The following HMCN2 variants were observed in gnomAD, a reference collection of about 807,000 sequenced individuals.
The protein encoded by HMCN2 is hemicentin 2, also known as hemicentin-2.
A neutral mutation model predicts 377.5 loss-of-function variants in HMCN2; 325 were observed. The observed-to-expected ratio is 0.86, with a 90% CI of 0.79 to 0.94. The LOEUF is 0.94. Ranked by LOEUF, HMCN2 falls within the 40% of genes least tolerant of loss-of-function variation. The probability of loss-of-function intolerance (pLI) is 0.00; values close to 1 mark genes in which losing one functional copy is unlikely to be tolerated. For synonymous variants in HMCN2, 2,007 were observed against 2,046.8 expected (o/e 0.98, Z 0.53); for missense variants, 4,543 against 4,725.3 (o/e 0.96, Z 1.13).
rs564283329 is a variant in HMCN2, at chr9:130,365,691, G to A, written c.6469G>A (p.Gly2157Ser). Residue 2157 changes from glycine to serine, a missense_variant, in exon 42 of 98, where the codon GGC becomes AGC. Physicochemically the swap from Gly to Ser is moderately conservative, Grantham distance 56. This residue lies in a region of HMCN2 where 1,032 missense variants were observed against 1,285.1 expected (regional missense o/e 0.80). Transcript: ENST00000683500. Reference protein sequence around the residue: ...HYTCEALNQAGHSEKHYNLNV... With the variant: ...HYTCEALNQASHSEKHYNLNV... ...CACCTGTGAGGCACTGAACCAGGCC[G>A]GCCACTCAGAGAAACACTACAATCT... 3.7e-5 allele frequency: 36 copies of A among 985,912 alleles called. No homozygotes were observed. The highest frequency in any genetic ancestry group is 5.2e-4 in the Middle Eastern group (1 of 1,916). The allele number at this position is 985,912 out of a possible 1,614,324, so 61.1% of individuals were successfully genotyped here.
intron 22 of HMCN2, among the ~76,000 whole-genome samples, chr9:130,329,036 G>A (rs1240494202): frequency 6.6e-6 from 1 of 152,100 alleles, no homozygotes; most frequent in East Asian, 1.9e-4. Flanking sequence ...CTTATTTAAA[G>A]GACACAGTTC....
intron 85 of HMCN2, 89 bp from the exon 86 acceptor site, chr9:130,418,683 G>C (rs1843821650): frequency 1.7e-6 from 2 of 1,149,440 alleles, no homozygotes; most frequent in South Asian, 6.3e-5. Flanking sequence ...CTGCTTCTCT[G>C]GATTTCCCAG....
In HMCN2 at chr9:130,422,102, C is replaced by T. The variant is rs767585332; in HGVS notation, c.13232-475C>T. ...CCACCCGGCCAGGCCAGCTGCAGGG[C>T]AGCCAGGGCCAGCAGCACTGATGGA... On this transcript the variant is annotated intron_variant, in intron 86 of 97. Transcript: ENST00000683500. The surrounding 1 kb of genome is among the most constrained non-coding windows in gnomAD (Gnocchi z 4.2). Among the ~76,000 whole-genome samples, 2 of 152,266 alleles carry T rather than the reference C, an allele frequency of 1.3e-5. No individual in the cohort carries two copies. Among genetic ancestry groups the T allele is most frequent in the Non-Finnish European group, 1.5e-5 (1 of 68,046 alleles).
In HMCN2 at chr9:130,403,848, A is replaced by G. The variant is rs1459597243; in HGVS notation, c.12121A>G (p.Met4041Val). The G allele has an allele frequency of 1.6e-6, 2 of 1,289,494 alleles. No individual in the cohort carries two copies. Among genetic ancestry groups the G allele is most frequent in the Non-Finnish European group, 2.0e-6 (2 of 988,710 alleles). The allele number at this position is 1,289,494 out of a possible 1,614,324, so 79.9% of individuals were successfully genotyped here. A position where few individuals can be genotyped will look rare whatever the true frequency, so the allele number is the denominator to read the frequency against. ...CGCTAAGAACAGTGCGGGCAGTGCC[A>G]TGGGGAAGACGCGGCTGGTGGTGCA... ...CIAKNSAGSA[M>V]GKTRLVVQVP... Residue 4041 changes from methionine (M) to valine (V), a missense_variant, in exon 80 of 98, where the codon ATG becomes GTG. This residue lies in a region of HMCN2 where 1,073 missense variants were observed against 1,319.5 expected (regional missense o/e 0.81). Coordinates refer to ENST00000683500, the MANE Select transcript of HMCN2 (RefSeq NM_001291815.2).
At chr9:130,337,555 G>A (rs1019490837) in intron 22 of HMCN2, among the ~76,000 whole-genome samples, 19 of 152,254 alleles carry the variant, frequency 1.2e-4, no homozygotes, top group African/African-American at 3.9e-4. Context: ...GACACAGGCC[G>A]TCTTAGCATG....
Position 130,407,572 on chromosome 9 carries a change from A to G in HMCN2, c.12555A>G (p.Glu4185=), listed in dbSNP as rs1564865517. 3 of 1,289,474 alleles carry G rather than the reference A, an allele frequency of 2.3e-6. No individual in the cohort carries two copies. Among genetic ancestry groups the G allele is most frequent in the South Asian group, 2.5e-5 (2 of 81,010 alleles). 79.9% of individuals were successfully genotyped at this position (1,289,474 alleles called of 1,614,324 possible). A position where few individuals can be genotyped will look rare whatever the true frequency, so the allele number is the denominator to read the frequency against. The change falls in exon 83 of 98, where the codon GAA becomes GAG. Residue 4185 remains glutamate (E), a splice_region_variant and synonymous_variant. Transcript: ENST00000683500. ...GWTVNDRPVT[E]GVSEQDGGST... is the part of the protein sequence containing the mutation. The stretch of plus-strand genomic sequence containing the variant: ...CCGACTTCTCTTTCTCCACCACAGA[A>G]GGGGTGTCTGAGCAGGATGGAGGCA...
At chr9:130,278,782 T>C (rs1834940705) in intron 1 of HMCN2, among the ~76,000 whole-genome samples, 1 of 151,224 alleles carries the variant, frequency 6.6e-6, no homozygotes, top group South Asian at 2.1e-4. Flanking sequence ...GGTTTCTCCA[T>C]GTTGGTCAGG....
rs11243875 is a variant in HMCN2 at position 130,370,994 on chromosome 9, C to T, written c.7100C>T (p.Pro2367Leu). Reference sequence around the variant, plus strand: ...CCAGAGCTCATTGGAGACTTGGACCCGCTGACCAACATCACTGCTGCCTTG... The same window carrying T: ...CCAGAGCTCATTGGAGACTTGGACCTGCTGACCAACATCACTGCTGCCTTG... ...VPPELIGDLD[P>L]LTNITAALHS... Residue 2367 changes from proline (P) to leucine (L), a missense_variant, in exon 46 of 98, where the codon CCG becomes CTG. By Grantham distance (98) the Pro-to-Leu change is moderately conservative (BLOSUM62 -3). This residue lies in a region of HMCN2 where 1,032 missense variants were observed against 1,285.1 expected (regional missense o/e 0.80). Transcript: ENST00000683500. The T allele has an allele frequency of 0.088, 86,496 of 985,990 alleles. 4,000 individuals carry two copies. Among genetic ancestry groups the T allele is most frequent in the East Asian group, 0.19 (1,696 of 8,814 alleles). The allele number at this position is 985,990 out of a possible 1,614,324, so 61.1% of individuals were successfully genotyped here.
intron 56 of HMCN2, among the ~76,000 whole-genome samples, chr9:130,383,117 C>G (rs949821761): frequency 2.7e-5 from 4 of 149,420 alleles, no homozygotes; most frequent in African/African-American, 9.7e-5. Flanking sequence ...GCACCGCACA[C>G]AGCAGCCTTC....
At chr9:130,432,285 ATGGGTCAGAC>A (rs950066882) in intron 96 of HMCN2, 134 bp from the exon 97 acceptor site, 1 of 736,266 alleles carries the variant, frequency 1.4e-6, no homozygotes, top group African/African-American at 1.7e-5. Flanking sequence ...CTGGGTGGTC[ATGGGTCAGAC>A]TGGCTGGGGA....
In HMCN2 at chr9:130,406,141, T is replaced by C; in HGVS notation, c.12526T>C (p.Trp4176Arg). ...GGGCAGCCCCACCCCTCGCATTGGCTGGACTGTCAACGACCGGCCAGTCAC... is the reference window on the plus strand; with the variant it reads ...GGGCAGCCCCACCCCTCGCATTGGCCGGACTGTCAACGACCGGCCAGTCAC... ...ARGSPTPRIG[W>R]TVNDRPVTEG... The change falls in exon 82 of 98, where the codon TGG becomes CGG. Residue 4176 changes from tryptophan to arginine, a missense_variant. This residue lies in a region of HMCN2 where 1,073 missense variants were observed against 1,319.5 expected (regional missense o/e 0.81). Coordinates refer to ENST00000683500, the MANE Select transcript of HMCN2 (RefSeq NM_001291815.2). 1 of 1,289,814 alleles carries C rather than the reference T, an allele frequency of 7.8e-7. No homozygotes were observed. The highest frequency in any genetic ancestry group is 1.0e-6 in the Non-Finnish European group (1 of 988,856). The allele number at this position is 1,289,814 out of a possible 1,614,324, so 79.9% of individuals were successfully genotyped here. A position where few individuals can be genotyped will look rare whatever the true frequency, so the allele number is the denominator to read the frequency against.
intron 22 of HMCN2, among the ~76,000 whole-genome samples, chr9:130,331,006 C>CACAA (rs1449552098): frequency 1.3e-5 from 2 of 150,556 alleles, no homozygotes; most frequent in Non-Finnish European, 3.0e-5. Flanking sequence ...CACACACACA[C>CACAA]AAATAGCCGG....
At position 130,422,855 on chromosome 9, in the gene HMCN2, G is replaced by C; in HGVS notation, c.13381+129G>C. The C allele has an allele frequency of 1.4e-6, 1 of 719,784 alleles. No homozygotes were observed. Among genetic ancestry groups the C allele is most frequent in the African/African-American group, 1.8e-5 (1 of 54,622 alleles). The allele number at this position is 719,784 out of a possible 1,614,324, so 44.6% of individuals were successfully genotyped here. On this transcript the variant is annotated intron_variant, in intron 87 of 97. Coordinates refer to ENST00000683500, the MANE Select transcript of HMCN2 (RefSeq NM_001291815.2). This position sits in a 1 kb window ranked among gnomAD's most constrained non-coding sequence, Gnocchi z 4.2. ...AGACTTGCTCAAGGCCTGATGACCA[G>C]AGCACGTCTGACCATCTCTCAAAGC...
chr9:130,342,702 G>A lies in HMCN2; in HGVS notation c.3829+266G>A, dbSNP rs1268768564. Among the ~76,000 whole-genome samples, 5 of 152,270 alleles carry A rather than the reference G, an allele frequency of 3.3e-5. No individual in the cohort carries two copies. In the East Asian group the frequency reaches 7.7e-4, roughly 24 times the overall value. On this transcript the variant is annotated intron_variant, in intron 25 of 97. Transcript: ENST00000683500. The stretch of plus-strand genomic sequence containing the variant: ...AGGATGTGACTCAGAATGTGGACAA[G>A]TGTGACCCCTGCCCTGCCCCCCTGT...
chr9:130,355,373 A>G (rs76482180), intron 32 of HMCN2, among the ~76,000 whole-genome samples: 2 of 152,110 alleles, frequency 1.3e-5, no homozygotes, highest in Admixed American at 1.3e-4. Flanking sequence ...GCTTGTGGGT[A>G]TGGTCCCAGC....
rs1839468967 is a variant in HMCN2 at position 130,347,854 on chromosome 9, A to G, written c.4024+494A>G. 1 of 279,470 alleles carries G rather than the reference A, an allele frequency of 3.6e-6. No homozygotes were observed. The highest frequency in any genetic ancestry group is 2.3e-5 in the African/African-American group (1 of 43,642). The allele number at this position is 279,470 out of a possible 1,614,324, so 17.3% of individuals were successfully genotyped here. ...GAGAGAGACCCTGTCTCTACATAAA[A>G]TAAACTTAAAAAATTATTTTTAAAA... On this transcript the variant is annotated intron_variant, in intron 26 of 97. Transcript: ENST00000683500. This position sits in a 1 kb window ranked among gnomAD's most constrained non-coding sequence, Gnocchi z 5.1.
At chr9:130,326,782 G>A (rs1387927071) in intron 21 of HMCN2, among the ~76,000 whole-genome samples, 1 of 152,236 alleles carries the variant, frequency 6.6e-6, no homozygotes, top group East Asian at 1.9e-4. Flanking sequence ...GGAAGGAAGG[G>A]TACCATGCTG....
At chr9:130,400,356 T>G (rs1842805439) in intron 76 of HMCN2, 1 of 156,624 alleles carries the variant, frequency 6.4e-6, no homozygotes, top group Non-Finnish European at 1.4e-5. Context: ...TGAGCTATAG[T>G]GCACTATGCT....
chr9:130,335,116 G>A (rs1838676130), intron 22 of HMCN2, among the ~76,000 whole-genome samples: 1 of 152,156 alleles, frequency 6.6e-6, no homozygotes, highest in Non-Finnish European at 1.5e-5. Context: ...GGGCTGCACA[G>A]CATGTCTGAA....
Sources: allele counts gnomAD v4.1 joint callset (sites outside exome capture counted in the v4.1 genomes callset), GRCh38; gene constraint gnomAD v4.1.1; regional missense constraint gnomAD v4.1.1; non-coding constraint Gnocchi (gnomAD v3.1); transcripts MANE v1.5; gene names NCBI Gene and HGNC (gene_info 2026-07-23, HGNC 2026-07-21).